The following KCNQ1OT1 variants were observed in gnomAD, a reference collection of about 807,000 sequenced individuals.
KCNQ1OT1 encodes KCNQ1 antisense RNA 2 (non-protein coding).
Position 2,651,767 on chromosome 11 carries a change from T to G in KCNQ1OT1, n.48228A>C, listed in dbSNP as rs1484525457. ...CTGATTACTGGAAATTCCTCAAGTG[T>G]TGACCATTTTGATTCCTGGGCCCCT... On this transcript the variant is annotated non_coding_transcript_exon_variant, in exon 1 of 1. Coordinates refer to ENST00000597346, the Ensembl canonical transcript of KCNQ1OT1. The surrounding 1 kb of genome is among the most constrained non-coding windows in gnomAD (Gnocchi z 6.1). 4 of 398,582 alleles carry G rather than the reference T, an allele frequency of 1.0e-5. No individual in the cohort carries two copies. In the East Asian group the frequency reaches 1.4e-4, roughly 14 times the overall value. The allele number at this position is 398,582 out of a possible 1,614,324, so 24.7% of individuals were successfully genotyped here. A position where few individuals can be genotyped will look rare whatever the true frequency, so the allele number is the denominator to read the frequency against.
chr11:2,690,684 GTC>G lies in KCNQ1OT1; in HGVS notation n.9309_9310del, dbSNP rs1289854404. Reference sequence around the variant, plus strand: ...GTCAGTGCACATAGGTATAGGGGCTGTCTCTCAGAATTCCTGAGGGCTTTCCA... The same window carrying G: ...GTCAGTGCACATAGGTATAGGGGCTGTCTCAGAATTCCTGAGGGCTTTCCA... On this transcript the variant is annotated non_coding_transcript_exon_variant, in exon 1 of 1. Transcript: ENST00000597346. This position sits in a 1 kb window ranked among gnomAD's most constrained non-coding sequence, Gnocchi z 5.1. 2.5e-6 allele frequency: 1 copy of G among 398,550 alleles called. No individual in the cohort carries two copies. Among genetic ancestry groups the G allele is most frequent in the Non-Finnish European group, 4.4e-6 (1 of 226,100 alleles). 24.7% of individuals were successfully genotyped at this position (398,550 alleles called of 1,614,324 possible).
At chr11:2,655,298 T>C (rs912588928) in exon 1 of KCNQ1OT1, 1 of 398,508 alleles carries the variant, frequency 2.5e-6, no homozygotes, top group Non-Finnish European at 4.4e-6. Flanking sequence ...CCCTGAAAAT[T>C]TAGGCCCAGA....
At position 2,691,443 on chromosome 11, in the gene KCNQ1OT1, C is replaced by G; in HGVS notation, n.8552G>C. On this transcript the variant is annotated non_coding_transcript_exon_variant, in exon 1 of 1. Coordinates refer to ENST00000597346, the Ensembl canonical transcript of KCNQ1OT1. This position sits in a 1 kb window ranked among gnomAD's most constrained non-coding sequence, Gnocchi z 6.4. ...AGTCCACTGAAGCTCCCTGCCCCCA[C>G]TGAGTCTCTGATGTTGACAGCCTCT... 2.5e-6 allele frequency: 1 copy of G among 398,646 alleles called. No individual in the cohort carries two copies. Among genetic ancestry groups the G allele is most frequent in the South Asian group, 1.3e-4 (1 of 7,860 alleles). 24.7% of individuals were successfully genotyped at this position (398,646 alleles called of 1,614,324 possible). A position where few individuals can be genotyped will look rare whatever the true frequency, so the allele number is the denominator to read the frequency against.
chr11:2,632,235 C>T (rs1849370291), exon 1 of KCNQ1OT1: 1 of 341,620 alleles, frequency 2.9e-6, no homozygotes, highest in Admixed American at 4.8e-5. Flanking sequence ...TACTGACTTA[C>T]TATCCTGCTA....
chr11:2,685,832 G>A lies in KCNQ1OT1; in HGVS notation n.14163C>T, dbSNP rs1850479112. 3 of 398,742 alleles carry A rather than the reference G, an allele frequency of 7.5e-6. No homozygotes were observed. In the East Asian group the frequency reaches 1.1e-4, roughly 14 times the overall value. The allele number at this position is 398,742 out of a possible 1,614,324, so 24.7% of individuals were successfully genotyped here. A position where few individuals can be genotyped will look rare whatever the true frequency, so the allele number is the denominator to read the frequency against. On this transcript the variant is annotated non_coding_transcript_exon_variant, in exon 1 of 1. Coordinates refer to ENST00000597346, the Ensembl canonical transcript of KCNQ1OT1. ...ATGCGATTCCTACTAGAACGAGGCTGTTTCCCAGGCTGCCTCCTGCTTCAC... is the reference window on the plus strand; with the variant it reads ...ATGCGATTCCTACTAGAACGAGGCTATTTCCCAGGCTGCCTCCTGCTTCAC...
At chr11:2,625,644 C>T (rs1274987775) in exon 1 of KCNQ1OT1, 4 of 395,388 alleles carry the variant, frequency 1.0e-5, no homozygotes, top group South Asian at 1.3e-4. Flanking sequence ...GGTGCCATCT[C>T]GGCTTACTGC....
chr11:2,680,441 C>G, exon 1 of KCNQ1OT1: 1 of 398,202 alleles, frequency 2.5e-6, no homozygotes, highest in Non-Finnish European at 4.4e-6. Flanking sequence ...TTCTAAAATT[C>G]ATTTCTGGGT....
Position 2,663,147 on chromosome 11 carries a change from TG to T in KCNQ1OT1, n.36847del. ...TTATGATCAGACAGGACCTGCCCAC[TG>T]TCTTTCCAGGCCCCCCCAGTTCACA... On this transcript the variant is annotated non_coding_transcript_exon_variant, in exon 1 of 1. Coordinates refer to ENST00000597346, the Ensembl canonical transcript of KCNQ1OT1. This position sits in a 1 kb window ranked among gnomAD's most constrained non-coding sequence, Gnocchi z 5.2. The T allele has an allele frequency of 5.0e-6, 2 of 398,702 alleles. No individual in the cohort carries two copies. Among genetic ancestry groups the T allele is most frequent in the Non-Finnish European group, 8.8e-6 (2 of 226,134 alleles). The allele number at this position is 398,702 out of a possible 1,614,324, so 24.7% of individuals were successfully genotyped here.
chr11:2,693,362 G>A (rs1027043307), exon 1 of KCNQ1OT1: 1 of 398,730 alleles, frequency 2.5e-6, no homozygotes, highest in Admixed American at 4.4e-5. Flanking sequence ...GGTGGGGGCC[G>A]AGTCTGGCCA....
At chr11:2,650,156 ACT>A (rs1443006133) in exon 1 of KCNQ1OT1, 27 of 397,410 alleles carry the variant, frequency 6.8e-5, no homozygotes, top group East Asian at 1.1e-4. Flanking sequence ...TTCATATCTA[ACT>A]CTGCTGGATT....
chr11:2,655,669 G>C (rs975388208), exon 1 of KCNQ1OT1: 4 of 396,036 alleles, frequency 1.0e-5, no homozygotes, highest in African/African-American at 8.4e-5. Flanking sequence ...GGAAAGAGCT[G>C]AATCCCCACC....
Position 2,695,642 on chromosome 11 carries a change from C to G in KCNQ1OT1, n.4353G>C. The G allele has an allele frequency of 2.5e-6, 1 of 398,584 alleles. No homozygotes were observed. The highest frequency in any genetic ancestry group is 1.3e-4 in the South Asian group (1 of 7,850). 24.7% of individuals were successfully genotyped at this position (398,584 alleles called of 1,614,324 possible). ...ACTTAGGAGGGAAACTGCTGGGCCA[C>G]AGGTATAAAATATTTTATTTGAGGA... On this transcript the variant is annotated non_coding_transcript_exon_variant, in exon 1 of 1. Coordinates refer to ENST00000597346, the Ensembl canonical transcript of KCNQ1OT1. This position sits in a 1 kb window ranked among gnomAD's most constrained non-coding sequence, Gnocchi z 5.2.
chr11:2,643,347 G>A (rs970946346), exon 1 of KCNQ1OT1: 1 of 398,212 alleles, frequency 2.5e-6, no homozygotes, highest in African/African-American at 2.1e-5. Context: ...TTGGTGTTGG[G>A]TGCATATATG....
At chr11:2,689,385 G>A (rs1419727461) in exon 1 of KCNQ1OT1, 15 of 398,726 alleles carry the variant, frequency 3.8e-5, no homozygotes, top group Non-Finnish European at 5.3e-5. Flanking sequence ...TGAGTGGGGT[G>A]GAAGAAGCCC....
At position 2,624,825 on chromosome 11, in the gene KCNQ1OT1, G is replaced by A; in HGVS notation, n.75170C>T. 2 of 398,430 alleles carry A rather than the reference G, an allele frequency of 5.0e-6. No homozygotes were observed. The highest frequency in any genetic ancestry group is 7.1e-5 in the East Asian group (2 of 28,058). 24.7% of individuals were successfully genotyped at this position (398,430 alleles called of 1,614,324 possible). A position where few individuals can be genotyped will look rare whatever the true frequency, so the allele number is the denominator to read the frequency against. Reference sequence around the variant, plus strand: ...ACTATTCTACATACCTCATATAAGTGGAAACATACAGTACTTCTCTTCTTG... The same window carrying A: ...ACTATTCTACATACCTCATATAAGTAGAAACATACAGTACTTCTCTTCTTG... On this transcript the variant is annotated non_coding_transcript_exon_variant, in exon 1 of 1. Transcript: ENST00000597346. This position sits in a 1 kb window ranked among gnomAD's most constrained non-coding sequence, Gnocchi z 4.9.
chr11:2,609,681 GCTT>G, exon 1 of KCNQ1OT1: 1 of 398,178 alleles, frequency 2.5e-6, no homozygotes, highest in Non-Finnish European at 4.4e-6. Flanking sequence ...GTCAGTTTTT[GCTT>G]CTTATGTTTT....
In KCNQ1OT1 at chr11:2,653,573, G is replaced by T. The variant is rs1849791228; in HGVS notation, n.46422C>A. On this transcript the variant is annotated non_coding_transcript_exon_variant, in exon 1 of 1. Transcript: ENST00000597346. The surrounding 1 kb of genome is among the most constrained non-coding windows in gnomAD (Gnocchi z 5.3). ...CTTCTCCCTTCCCGTTCCCTCTTTTGTTCTCCCTTTCCCTTGCTCTCTATC... is the reference window on the plus strand; with the variant it reads ...CTTCTCCCTTCCCGTTCCCTCTTTTTTTCTCCCTTTCCCTTGCTCTCTATC... The T allele has an allele frequency of 7.5e-6, 3 of 398,510 alleles. No homozygotes were observed. Among genetic ancestry groups the T allele is most frequent in the African/African-American group, 2.1e-5 (1 of 48,568 alleles). 24.7% of individuals were successfully genotyped at this position (398,510 alleles called of 1,614,324 possible).
Position 2,624,998 on chromosome 11 carries a change from G to A in KCNQ1OT1, n.74997C>T. 5.0e-6 allele frequency: 2 copies of A among 398,366 alleles called. No individual in the cohort carries two copies. The highest frequency in any genetic ancestry group is 8.8e-6 in the Non-Finnish European group (2 of 226,038). The allele number at this position is 398,366 out of a possible 1,614,324, so 24.7% of individuals were successfully genotyped here. On this transcript the variant is annotated non_coding_transcript_exon_variant, in exon 1 of 1. Coordinates refer to ENST00000597346, the Ensembl canonical transcript of KCNQ1OT1. The surrounding 1 kb of genome is among the most constrained non-coding windows in gnomAD (Gnocchi z 4.9). ...TTATCCATTCTTCCATGGACATTTG[G>A]GTTGCATTGATGTTTTAACTGTTGT...
exon 1 of KCNQ1OT1, chr11:2,665,595 C>A (rs1045903779): frequency 1.0e-5 from 4 of 396,634 alleles, no homozygotes; most frequent in Non-Finnish European, 1.8e-5. Context: ...CTCAGTAAAC[C>A]CCCCAGGACA....
Sources: gnomAD v4.1 joint callset for allele counts on GRCh38, gnomAD v4.1.1 for gene constraint, Gnocchi (gnomAD v3.1) non-coding constraint, MANE v1.5 for transcripts, NCBI Gene and HGNC (gene_info 2026-07-23, HGNC 2026-07-21) for gene names.